HEPACAM: variants seen among roughly 807,000 people sequenced by gnomAD.
HEPACAM encodes the protein hepatocyte cell adhesion molecule.
A neutral mutation model predicts 38.3 loss-of-function variants in HEPACAM; 18 were observed. The observed-to-expected ratio is 0.47, with a 90% CI of 0.33 to 0.70. The LOEUF is 0.70. Among genes scored for constraint, HEPACAM ranks in the 30% least tolerant of loss-of-function variants. The pLI is 0.03. For missense variants in HEPACAM, 466 were observed against 563.0 expected (o/e 0.83, Z 1.74); for synonymous variants, 216 against 243.1 (o/e 0.89, Z 1.04).
rs112607377 is a variant in HEPACAM, at chr11:124,919,286, G to C, written c.*1852C>G. ...TTTATTGAGCATCCAGTATGTGCTA[G>C]GCACTCTGCTGGATGCTAGTAATAC... On this transcript the variant is annotated 3_prime_UTR_variant, in exon 7 of 7. Transcript: ENST00000298251. 3.1e-3 allele frequency: 539 copies of C among 174,418 alleles called. 3 individuals are homozygous for C. Among genetic ancestry groups the C allele is most frequent in the Non-Finnish European group, 5.3e-3 (434 of 81,980 alleles). 10.8% of individuals were successfully genotyped at this position (174,418 alleles called of 1,614,324 possible).
At position 124,924,645 on chromosome 11, in the gene HEPACAM, C is replaced by T; in HGVS notation, c.427+83G>A. On this transcript the variant is annotated intron_variant, in intron 2 of 6. Coordinates refer to ENST00000298251, the MANE Select transcript of HEPACAM (RefSeq NM_152722.5). This position sits in a 1 kb window ranked among gnomAD's most constrained non-coding sequence, Gnocchi z 4.4. ...CCAAGTGCCTTTTGGGTTGGTTTTC[C>T]CTCAGTCTAGCTGGTGCGCTGGGCA... 18 of 1,347,668 alleles carry T rather than the reference C, an allele frequency of 1.3e-5. No individual in the cohort carries two copies. The highest frequency in any genetic ancestry group is 1.7e-5 in the Non-Finnish European group (16 of 938,806). 83.5% of individuals were successfully genotyped at this position (1,347,668 alleles called of 1,614,324 possible). A position where few individuals can be genotyped will look rare whatever the true frequency, so the allele number is the denominator to read the frequency against.
chr11:124,924,153 G>T lies in HEPACAM; in HGVS notation c.428-143C>A. The stretch of plus-strand genomic sequence containing the variant: ...GCTGAGAAGACTTCAGACATCCTAA[G>T]TCCAGTTCTTTCCCATCGCTTATTC... On this transcript the variant is annotated intron_variant, in intron 2 of 6. Transcript: ENST00000298251. The surrounding 1 kb of genome is among the most constrained non-coding windows in gnomAD (Gnocchi z 4.4). 1.3e-6 allele frequency: 1 copy of T among 797,994 alleles called. No homozygotes were observed. Among genetic ancestry groups the T allele is most frequent in the Non-Finnish European group, 2.1e-6 (1 of 485,844 alleles). The allele number at this position is 797,994 out of a possible 1,614,324, so 49.4% of individuals were successfully genotyped here.
intron 1 of HEPACAM, 108 bp downstream of exon 1, chr11:124,935,814 T>TC: frequency 1.2e-6 from 1 of 865,032 alleles, no homozygotes; most frequent in Non-Finnish European, 1.9e-6. Context: ...AGCTGAACTC[T>TC]CCCCCACTCC....
Position 124,924,080 on chromosome 11 carries a change from C to T in HEPACAM, c.428-70G>A, listed in dbSNP as rs1353701211. The T allele has an allele frequency of 6.9e-7, 1 of 1,459,728 alleles. No individual in the cohort carries two copies. The highest frequency in any genetic ancestry group is 2.0e-5 in the Admixed American group (1 of 51,272). The allele number at this position is 1,459,728 out of a possible 1,614,324, so 90.4% of individuals were successfully genotyped here. On this transcript the variant is annotated intron_variant, in intron 2 of 6. Coordinates refer to ENST00000298251, the MANE Select transcript of HEPACAM (RefSeq NM_152722.5). The surrounding 1 kb of genome is among the most constrained non-coding windows in gnomAD (Gnocchi z 4.4). ...GTGTCTCCCTTCCCCTTTTTAGCTC[C>T]CTGCCTTCCAACACACCTTTAACAC...
chr11:124,927,709 G>T (rs1252400686), intron 1 of HEPACAM, among the ~76,000 whole-genome samples: 2 of 151,862 alleles, frequency 1.3e-5, no homozygotes, highest in Non-Finnish European at 2.9e-5. Flanking sequence ...TGCCAGGAAT[G>T]TTAGAACCAT....
At position 124,925,030 on chromosome 11, in the gene HEPACAM, A is replaced by T. The variant is rs992466182; in HGVS notation, c.125T>A (p.Leu42Gln). 2 of 1,604,332 alleles carry T rather than the reference A, an allele frequency of 1.2e-6. No individual in the cohort carries two copies. Among genetic ancestry groups the T allele is most frequent in the African/African-American group, 2.7e-5 (2 of 74,756 alleles). ...CGACTTCCCCACGGTGCCATGGATCAGGCGCACGGGGCTGGTGATGTTCAC... is the reference window on the plus strand; with the variant it reads ...CGACTTCCCCACGGTGCCATGGATCTGGCGCACGGGGCTGGTGATGTTCAC... ...EGVNITSPVR[L>Q]IHGTVGKSAL... Residue 42 changes from leucine to glutamine, a missense_variant, in exon 2 of 7, where the codon CTG (leucine) becomes CAG (glutamine). Physicochemically the swap from Leu to Gln is moderately radical, Grantham distance 113. Transcript: ENST00000298251.
intron 1 of HEPACAM, among the ~76,000 whole-genome samples, chr11:124,934,272 C>T (rs1947316424): frequency 6.6e-6 from 1 of 152,138 alleles, no homozygotes; most frequent in South Asian, 2.1e-4. Flanking sequence ...CTCATTCCTT[C>T]TATCTTTATT....
At position 124,920,875 on chromosome 11, in the gene HEPACAM, T is replaced by C. The variant is rs1008507428; in HGVS notation, c.*263A>G. The C allele has an allele frequency of 6.1e-6, 8 of 1,310,446 alleles. No individual in the cohort carries two copies. In the African/African-American group the frequency reaches 1.2e-4, roughly 20 times the overall value. The allele number at this position is 1,310,446 out of a possible 1,614,324, so 81.2% of individuals were successfully genotyped here. On this transcript the variant is annotated 3_prime_UTR_variant, in exon 7 of 7. Coordinates refer to ENST00000298251, the MANE Select transcript of HEPACAM (RefSeq NM_152722.5). ...AGAAATGTAATAATCTATGTGGTCC[T>C]AAGAGGGCACAACCTATACCAAGTG...
intron 1 of HEPACAM, among the ~76,000 whole-genome samples, chr11:124,933,157 CT>C (rs1272478070): frequency 6.6e-6 from 1 of 152,098 alleles, no homozygotes; most frequent in African/African-American, 2.4e-5. Flanking sequence ...AACTAATATC[CT>C]ATTAGCATAA....
At chr11:124,935,334 T>C (rs754012752) in intron 1 of HEPACAM, among the ~76,000 whole-genome samples, 2 of 152,158 alleles carry the variant, frequency 1.3e-5, no homozygotes, top group Non-Finnish European at 2.9e-5. Flanking sequence ...TGTGTATATG[T>C]GTATGTACTC....
chr11:124,927,334 G>A (rs1217751973), intron 1 of HEPACAM, among the ~76,000 whole-genome samples: 1 of 150,484 alleles, frequency 6.6e-6, no homozygotes, highest in African/African-American at 2.4e-5. Flanking sequence ...CTCTAGGGGG[G>A]CTTCTTAACT....
Position 124,922,409 on chromosome 11 carries a change from T to C in HEPACAM, c.927A>G (p.Ala309=), listed in dbSNP as rs1325483812. The C allele has an allele frequency of 1.9e-6, 3 of 1,613,956 alleles. No individual in the cohort carries two copies. The highest frequency in any genetic ancestry group is 2.5e-6 in the Non-Finnish European group (3 of 1,179,980). ...SGEQERKNPM[A]LYILKDKDSP... Reference sequence around the variant, plus strand: ...TCACCTTGTCCTTCAGGATATAGAGTGCCATGGGGTTCTTCCGTTCCTGCT... The same window carrying C: ...TCACCTTGTCCTTCAGGATATAGAGCGCCATGGGGTTCTTCCGTTCCTGCT... The change falls in exon 6 of 7, where the codon GCA becomes GCG. Residue 309 remains alanine (A), a synonymous_variant. Transcript: ENST00000298251.
chr11:124,925,512 A>C (rs1307667293), intron 1 of HEPACAM, among the ~76,000 whole-genome samples: 1 of 152,226 alleles, frequency 6.6e-6, no homozygotes, highest in African/African-American at 2.4e-5. Context: ...TGAATTTGTC[A>C]GATCTTCTTG....
chr11:124,924,635 G>T lies in HEPACAM; in HGVS notation c.427+93C>A, dbSNP rs2135399769. The T allele has an allele frequency of 1.7e-6, 2 of 1,186,246 alleles. No individual in the cohort carries two copies. Among genetic ancestry groups the T allele is most frequent in the Non-Finnish European group, 2.5e-6 (2 of 792,364 alleles). The allele number at this position is 1,186,246 out of a possible 1,614,324, so 73.5% of individuals were successfully genotyped here. On this transcript the variant is annotated intron_variant, in intron 2 of 6. Coordinates refer to ENST00000298251, the MANE Select transcript of HEPACAM (RefSeq NM_152722.5). The surrounding 1 kb of genome is among the most constrained non-coding windows in gnomAD (Gnocchi z 4.4). ...TTCTCAGCTCCCAAGTGCCTTTTGG[G>T]TTGGTTTTCCCTCAGTCTAGCTGGT...
intron 1 of HEPACAM, among the ~76,000 whole-genome samples, chr11:124,928,713 C>T (rs779436987): frequency 5.3e-5 from 8 of 152,186 alleles, no homozygotes; most frequent in Non-Finnish European, 1.2e-4. Context: ...AATAATGCAA[C>T]CATTTGTCTC....
At position 124,919,930 on chromosome 11, in the gene HEPACAM, C is replaced by T. The variant is rs764875323; in HGVS notation, c.*1208G>A. 11 of 1,613,912 alleles carry T rather than the reference C, an allele frequency of 6.8e-6. No homozygotes were observed. The highest frequency in any genetic ancestry group is 1.3e-5 in the African/African-American group (1 of 74,908). ...TCTCTCCTCACACAGTAGATTACTG[C>T]CACTCCTATGAACTGTTCAATAGGC... On this transcript the variant is annotated 3_prime_UTR_variant, in exon 7 of 7. Coordinates refer to ENST00000298251, the MANE Select transcript of HEPACAM (RefSeq NM_152722.5).
At chr11:124,935,303 G>A (rs1947329078) in intron 1 of HEPACAM, among the ~76,000 whole-genome samples, 1 of 127,788 alleles carries the variant, frequency 7.8e-6, no homozygotes, top group South Asian at 2.4e-4. Context: ...TAGGTGCTCT[G>A]TAATTGTGTG....
At chr11:124,927,386 A>G (rs1947226129) in intron 1 of HEPACAM, among the ~76,000 whole-genome samples, 5 of 150,250 alleles carry the variant, frequency 3.3e-5, no homozygotes, top group Admixed American at 2.7e-4. Context: ...TCTGTTACCC[A>G]GACTGAAGTG....
chr11:124,923,538 C>T (rs970326344), intron 3 of HEPACAM, 105 bp from the exon 4 acceptor site: 2 of 1,104,328 alleles, frequency 1.8e-6, no homozygotes, highest in Admixed American at 1.8e-5. Context: ...CCCCAGGCTG[C>T]ATGCCTGGCT....
Sources: allele counts gnomAD v4.1 joint callset (sites outside exome capture counted in the v4.1 genomes callset), GRCh38; gene constraint gnomAD v4.1.1; non-coding constraint Gnocchi (gnomAD v3.1); transcripts MANE v1.5; gene names NCBI Gene and HGNC (gene_info 2026-07-23, HGNC 2026-07-21).